The following ZSWIM5 variants were observed in gnomAD, a reference collection of about 807,000 sequenced individuals.
ZSWIM5 encodes the protein zinc finger SWIM-type containing 5.
Under a neutral mutation model 119.6 loss-of-function variants are expected in ZSWIM5, and 55 were observed. The observed-to-expected ratio is 0.46, with a 90% CI of 0.37 to 0.58. The LOEUF (loss-of-function observed/expected upper bound fraction) is 0.58, where lower values mean the gene tolerates loss of function less well. Ranked by LOEUF, ZSWIM5 falls within the 20% of genes least tolerant of loss-of-function variation. ZSWIM5 has a pLI of 0.00. For missense variants in ZSWIM5, 1,193 were observed against 1,512.8 expected (o/e 0.79, Z 3.51); for synonymous variants, 537 against 606.9 (o/e 0.88, Z 1.69).
At chr1:45,174,926 G>A (rs930213727) in intron 1 of ZSWIM5, among the ~76,000 whole-genome samples, 6 of 151,792 alleles carry the variant, frequency 4.0e-5, no homozygotes, top group African/African-American at 1.5e-4. Flanking sequence ...TTCTCCTACA[G>A]AACTATAAAA....
At chr1:45,086,590 A>C (rs1645331024) in intron 2 of ZSWIM5, among the ~76,000 whole-genome samples, 1 of 152,134 alleles carries the variant, frequency 6.6e-6, no homozygotes, top group African/African-American at 2.4e-5. Context: ...CAATGAGAAC[A>C]CTTGGACACA....
chr1:45,112,890 G>A (rs1039986553), intron 1 of ZSWIM5, among the ~76,000 whole-genome samples: 4 of 152,192 alleles, frequency 2.6e-5, no homozygotes, highest in Admixed American at 6.5e-5. Context: ...AGTGCTACAA[G>A]GTCTCACTGA....
At chr1:45,050,778 A>C (rs1223909067) in intron 5 of ZSWIM5, among the ~76,000 whole-genome samples, 37 of 152,196 alleles carry the variant, frequency 2.4e-4, no homozygotes, top group Non-Finnish European at 1.5e-5. Context: ...TATTTAATAC[A>C]TTAGACATGA....
chr1:45,059,723 AG>A (rs1293660439), intron 3 of ZSWIM5, among the ~76,000 whole-genome samples: 7 of 152,258 alleles, frequency 4.6e-5, no homozygotes. Context: ...AAAGAAAAAC[AG>A]CCTGCTGTGA....
At chr1:45,179,582 C>T (rs553867322) in intron 1 of ZSWIM5, among the ~76,000 whole-genome samples, 2 of 151,908 alleles carry the variant, frequency 1.3e-5, no homozygotes, top group African/African-American at 4.8e-5. Flanking sequence ...TGCACATGTG[C>T]CCCCCCAATT....
intron 1 of ZSWIM5, among the ~76,000 whole-genome samples, chr1:45,095,544 C>G (rs1342871833): frequency 6.6e-6 from 1 of 152,160 alleles, no homozygotes; most frequent in Non-Finnish European, 1.5e-5. Flanking sequence ...CCCCAACATC[C>G]TAATATTGAA....
chr1:45,206,300 A>C lies in ZSWIM5; in HGVS notation c.51T>G (p.Ser17=). 6.4e-7 allele frequency: 1 copy of C among 1,557,180 alleles called. No homozygotes were observed. The change falls in exon 1 of 14, where the codon TCT becomes TCG. Residue 17 remains serine (S), a synonymous_variant. Coordinates refer to ENST00000359600, the MANE Select transcript of ZSWIM5 (RefSeq NM_020883.2). ...REELLSPSPV[S]PAKRQCSWPS... The stretch of plus-strand genomic sequence containing the variant: ...GCCACGAACACTGCCGCTTAGCCGG[A>C]GAGACCGGTGACGGCGAGAGCAGCT...
chr1:45,048,291 T>C (rs1291589244), intron 5 of ZSWIM5, among the ~76,000 whole-genome samples: 1 of 152,106 alleles, frequency 6.6e-6, no homozygotes, highest in East Asian at 1.9e-4. Context: ...CTGCCAGCCT[T>C]GGTCTCCCAA....
intron 1 of ZSWIM5, among the ~76,000 whole-genome samples, chr1:45,193,064 C>T (rs528897641): frequency 1.3e-5 from 2 of 152,040 alleles, no homozygotes; most frequent in South Asian, 2.1e-4. Context: ...TCAAGCAGTT[C>T]GGTTTTGAGT....
chr1:45,087,617 C>CA (rs1645338956), intron 2 of ZSWIM5, among the ~76,000 whole-genome samples: 2 of 152,360 alleles, frequency 1.3e-5, no homozygotes, highest in East Asian at 3.9e-4. Context: ...AGTCCATAAA[C>CA]TAGACCAATA....
intron 1 of ZSWIM5, among the ~76,000 whole-genome samples, chr1:45,102,902 G>A (rs112525353): frequency 0.014 from 2,188 of 151,750 alleles, 64 homozygotes; most frequent in African/African-American, 0.051. Context: ...TTGCTTTGTC[G>A]CCTAGGCTGG....
intron 2 of ZSWIM5, among the ~76,000 whole-genome samples, chr1:45,066,607 A>C (rs902517483): frequency 1.3e-5 from 2 of 152,236 alleles, no homozygotes; most frequent in African/African-American, 4.8e-5. Context: ...GAGGGAGGAT[A>C]GAAATAGTAT....
intron 1 of ZSWIM5, among the ~76,000 whole-genome samples, chr1:45,126,465 A>G (rs181507997): frequency 6.6e-6 from 1 of 152,302 alleles, no homozygotes; most frequent in Non-Finnish European, 1.5e-5. Context: ...TAGAAAGCAC[A>G]AACTACCAAA....
At chr1:45,067,995 C>G (rs1645195485) in intron 2 of ZSWIM5, among the ~76,000 whole-genome samples, 1 of 151,312 alleles carries the variant, frequency 6.6e-6, no homozygotes, top group Non-Finnish European at 1.5e-5. Flanking sequence ...AATTATGAAA[C>G]AAACCATTGT....
intron 1 of ZSWIM5, among the ~76,000 whole-genome samples, chr1:45,115,559 T>C (rs1181317268): frequency 7.6e-6 from 1 of 131,692 alleles, no homozygotes; most frequent in Admixed American, 7.8e-5. Context: ...GCAGAGGCGC[T>C]CCCCACATCT....
chr1:45,154,191 T>C (rs1202276126), intron 1 of ZSWIM5, among the ~76,000 whole-genome samples: 1 of 151,830 alleles, frequency 6.6e-6, no homozygotes, highest in Non-Finnish European at 1.5e-5. Context: ...AGCTATAAAT[T>C]CAATGCAATT....
At position 45,072,481 on chromosome 1, in the gene ZSWIM5, C is replaced by G. The variant is rs1645227873; in HGVS notation, c.953-12234G>C. Among the ~76,000 whole-genome samples, 1 of 151,922 alleles carries G rather than the reference C, an allele frequency of 6.6e-6. No individual in the cohort carries two copies. Among genetic ancestry groups the G allele is most frequent in the Non-Finnish European group, 1.5e-5 (1 of 68,014 alleles). ...TTGCCTGTGCTTGTGGGTTATTACT[C>G]AAGAAATCTTTGCCCAGTCCAGTGT... On this transcript the variant is annotated intron_variant, in intron 2 of 13. Coordinates refer to ENST00000359600, the MANE Select transcript of ZSWIM5 (RefSeq NM_020883.2). The surrounding 1 kb of genome is among the most constrained non-coding windows in gnomAD (Gnocchi z 4.1).
At chr1:45,170,426 CTT>C (rs56817624) in intron 1 of ZSWIM5, among the ~76,000 whole-genome samples, 59 of 139,384 alleles carry the variant, frequency 4.2e-4, no homozygotes, top group Admixed American at 6.6e-4. Flanking sequence ...TATAAAATCA[CTT>C]TTTTTTTTTT....
At chr1:45,139,827 T>C (rs1321578749) in intron 1 of ZSWIM5, among the ~76,000 whole-genome samples, 1 of 149,634 alleles carries the variant, frequency 6.7e-6, no homozygotes, top group Non-Finnish European at 1.5e-5. Context: ...GTGTGAGACA[T>C]CCTGCCCAGC....
Sources: gnomAD v4.1 joint callset for allele counts (sites outside exome capture counted in the v4.1 genomes callset) on GRCh38, gnomAD v4.1.1 for gene constraint, Gnocchi (gnomAD v3.1) non-coding constraint, MANE v1.5 for transcripts, NCBI Gene and HGNC (gene_info 2026-07-23, HGNC 2026-07-21) for gene names.